The following FOXI1 variants were observed in gnomAD, a reference collection of about 807,000 sequenced individuals.
FOXI1 encodes forkhead box I1, also known as forkhead box protein I1.
FOXI1 carries 11 observed loss-of-function variants against 16.4 expected under a neutral mutation model. The observed-to-expected ratio is 0.67, with a 90% confidence interval of 0.42 to 1.11. The LOEUF is 1.11. Among genes scored for constraint, FOXI1 ranks in the 50% least tolerant of loss-of-function variants. FOXI1 has a pLI of 0.00. For missense variants in FOXI1, 480 were observed against 506.1 expected (o/e 0.95, Z 0.49); for synonymous variants, 218 against 211.5 (o/e 1.03, Z -0.27).
At position 170,105,927 on chromosome 5, in the gene FOXI1, G is replaced by A. The variant is rs34218925; in HGVS notation, c.-31G>A. The A allele has an allele frequency of 6.5e-7, 1 of 1,538,946 alleles. No individual in the cohort carries two copies. The highest frequency in any genetic ancestry group is 1.1e-5 in the South Asian group (1 of 88,220). On this transcript the variant is annotated 5_prime_UTR_variant, in exon 1 of 2. Transcript: ENST00000306268. ...GGGCAGCTCCGGGGTGCAGGTGCCAGGCAGGTGGCTCCGGCCAGCCCAGCC... is the reference window on the plus strand; with the variant it reads ...GGGCAGCTCCGGGGTGCAGGTGCCAAGCAGGTGGCTCCGGCCAGCCCAGCC...
At position 170,108,146 on chromosome 5, in the gene FOXI1, T is replaced by A. The variant is rs751740534; in HGVS notation, c.672T>A (p.Ser224=). 3.7e-6 allele frequency: 6 copies of A among 1,614,124 alleles called. No individual in the cohort carries two copies. Among genetic ancestry groups the A allele is most frequent in the Non-Finnish European group, 5.1e-6 (6 of 1,179,960 alleles). The part of the protein sequence containing the change: ...RKRKRKSDVS[S]STASLALEKT... ...GGAAGAGAAAATCAGATGTTTCCTC[T>A]AGCACAGCCTCCTTGGCCTTAGAGA... Residue 224 remains serine, a synonymous_variant, in exon 2 of 2, where the codon TCT becomes TCA. Coordinates refer to ENST00000306268, the MANE Select transcript of FOXI1 (RefSeq NM_012188.5).
At position 170,108,334 on chromosome 5, in the gene FOXI1, C is replaced by T; in HGVS notation, c.860C>T (p.Ala287Val). The T allele has an allele frequency of 6.2e-7, 1 of 1,614,190 alleles. No homozygotes were observed. The highest frequency in any genetic ancestry group is 8.5e-7 in the Non-Finnish European group (1 of 1,180,030). ...AACAGCTTCCTTTCCTCTATGACAG[C>T]CTATGTGAGCGGGGGGAGCCCCACG... ...CLNSFLSSMT[A>V]YVSGGSPTSH... Residue 287 changes from alanine to valine, a missense_variant, in exon 2 of 2, where the codon GCC (alanine) becomes GTC (valine). Physicochemically the swap from Ala to Val is moderately conservative, Grantham distance 64. Around this residue, in one of 3 missense-constraint regions of FOXI1, gnomAD observed 257 missense variants for 262.2 expected, o/e 0.98. Coordinates refer to ENST00000306268, the MANE Select transcript of FOXI1 (RefSeq NM_012188.5).
Position 170,106,020 on chromosome 5 carries a change from C to T in FOXI1, c.63C>T (p.Ile21=), listed in dbSNP as rs768858662. ...GCTGCAGCCCCCAGTTCCCCAGCAT[C>T]GGCCAGGAGCCCCCCGAGATGAACC... ...PPRCSPQFPS[I]GQEPPEMNLY... The change falls in exon 1 of 2, where the codon ATC becomes ATT. Residue 21 remains isoleucine (I), a synonymous_variant. Coordinates refer to ENST00000306268, the MANE Select transcript of FOXI1 (RefSeq NM_012188.5). The T allele has an allele frequency of 4.3e-6, 7 of 1,611,954 alleles. No homozygotes were observed. The South Asian group carries it at 4.4e-5, about 10-fold the overall frequency.
At chr5:170,106,643 A>T in intron 1 of FOXI1, 112 bp downstream of exon 1, 1 of 1,459,732 alleles carries the variant, frequency 6.9e-7, no homozygotes, top group Non-Finnish European at 9.4e-7. Context: ...AGACTGGGGG[A>T]TGCTACCAGG....
rs1758598477 is a variant in FOXI1, at chr5:170,109,386, CAG to C, written c.*776_*777del. On this transcript the variant is annotated 3_prime_UTR_variant, in exon 2 of 2. Coordinates refer to ENST00000306268, the MANE Select transcript of FOXI1 (RefSeq NM_012188.5). Reference sequence around the variant, plus strand: ...AGAAACCTTGAGCAGATCCAGGGATCAGTGAGAGGAGTGGTGTGTACCCCTAA... The same window carrying C: ...AGAAACCTTGAGCAGATCCAGGGATCTGAGAGGAGTGGTGTGTACCCCTAA... The C allele has an allele frequency of 6.6e-6, 1 of 152,366 alleles. No homozygotes were observed. Among genetic ancestry groups the C allele is most frequent in the Admixed American group, 6.5e-5 (1 of 15,290 alleles). 9.4% of individuals were successfully genotyped at this position (152,366 alleles called of 1,614,324 possible).
At position 170,108,605 on chromosome 5, in the gene FOXI1, G is replaced by T; in HGVS notation, c.1131G>T (p.Glu377Asp). The part of the protein sequence containing the change: ...SGVLYPREGT[E>D]V ...TCCTCTACCCCAGGGAGGGCACCGA[G>T]GTCTAGGTACAGAACAGCTCCTGAG... Residue 377 changes from glutamate to aspartate, a missense_variant, in exon 2 of 2, where the codon GAG becomes GAT. Coordinates refer to ENST00000306268, the MANE Select transcript of FOXI1 (RefSeq NM_012188.5). 6.2e-7 allele frequency: 1 copy of T among 1,612,346 alleles called. No individual in the cohort carries two copies. The highest frequency in any genetic ancestry group is 1.1e-5 in the South Asian group (1 of 91,072).
chr5:170,107,978 G>A lies in FOXI1; in HGVS notation c.575-71G>A, dbSNP rs943759068. On this transcript the variant is annotated intron_variant, in intron 1 of 1. Coordinates refer to ENST00000306268, the MANE Select transcript of FOXI1 (RefSeq NM_012188.5). ...TCTGTCACCTTGGCTTTTAGTTTAT[G>A]ACAATAAGGAGGAACAGAAGCAAAG... 24 of 1,247,814 alleles carry A rather than the reference G, an allele frequency of 1.9e-5. No individual in the cohort carries two copies. The East Asian group carries it at 5.1e-4, about 27-fold the overall frequency. The allele number at this position is 1,247,814 out of a possible 1,614,324, so 77.3% of individuals were successfully genotyped here. A position where few individuals can be genotyped will look rare whatever the true frequency, so the allele number is the denominator to read the frequency against.
Position 170,108,602 on chromosome 5 carries a change from C to T in FOXI1, c.1128C>T (p.Thr376=), listed in dbSNP as rs189278911. The change falls in exon 2 of 2, where the codon ACC becomes ACT. Residue 376 remains threonine, a synonymous_variant. Transcript: ENST00000306268. ...GTGTCCTCTACCCCAGGGAGGGCAC[C>T]GAGGTCTAGGTACAGAACAGCTCCT... ...TSGVLYPREG[T]EV 1.1e-5 allele frequency: 18 copies of T among 1,612,640 alleles called. No individual in the cohort carries two copies. The Admixed American group carries it at 1.2e-4, about 10-fold the overall frequency.
rs1561922413 is a variant in FOXI1, at chr5:170,108,815, A to G, written c.*204A>G. The G allele has an allele frequency of 9.9e-6, 6 of 607,238 alleles. No homozygotes were observed. The highest frequency in any genetic ancestry group is 1.8e-5 in the Non-Finnish European group (6 of 341,256). 37.6% of individuals were successfully genotyped at this position (607,238 alleles called of 1,614,324 possible). A position where few individuals can be genotyped will look rare whatever the true frequency, so the allele number is the denominator to read the frequency against. ...CACACACAGACTCACCAACTTTGCA[A>G]TAGAAATACTGGTGCCTGCAGAGCA... On this transcript the variant is annotated 3_prime_UTR_variant, in exon 2 of 2. Transcript: ENST00000306268.
rs1050755698 is a variant in FOXI1 at position 170,109,656 on chromosome 5, T to A, written c.*1045T>A. On this transcript the variant is annotated 3_prime_UTR_variant, in exon 2 of 2. Coordinates refer to ENST00000306268, the MANE Select transcript of FOXI1 (RefSeq NM_012188.5). ...TGTGTGATCTCTTGGGATTTCTCCT[T>A]GTTTTTGTGAGTACCTGGGAAGTGT... 2.0e-5 allele frequency: 3 copies of A among 152,212 alleles called. No individual in the cohort carries two copies. The East Asian group carries it at 5.8e-4, about 29-fold the overall frequency. 9.4% of individuals were successfully genotyped at this position (152,212 alleles called of 1,614,324 possible). A position where few individuals can be genotyped will look rare whatever the true frequency, so the allele number is the denominator to read the frequency against.
rs748140745 is a variant in FOXI1 at position 170,108,346 on chromosome 5, G to A, written c.872G>A (p.Gly291Glu). Residue 291 changes from glycine (G) to glutamate (E), a missense_variant, in exon 2 of 2, where the codon GGG becomes GAG. By Grantham distance (98) the Gly-to-Glu change is moderately conservative. This residue lies in a region of FOXI1 where 257 missense variants were observed against 262.2 expected (regional missense o/e 0.98). Coordinates refer to ENST00000306268, the MANE Select transcript of FOXI1 (RefSeq NM_012188.5). ...FLSSMTAYVS[G>E]GSPTSHPLVT... ...TCCTCTATGACAGCCTATGTGAGCG[G>A]GGGGAGCCCCACGAGCCACCCCTTG... 2 of 1,614,166 alleles carry A rather than the reference G, an allele frequency of 1.2e-6. No individual in the cohort carries two copies. The highest frequency in any genetic ancestry group is 2.2e-5 in the East Asian group (1 of 44,862).
At position 170,106,226 on chromosome 5, in the gene FOXI1, G is replaced by A. The variant is rs749433068; in HGVS notation, c.269G>A (p.Gly90Glu). 3.8e-6 allele frequency: 6 copies of A among 1,580,038 alleles called. No homozygotes were observed. The highest frequency in any genetic ancestry group is 3.4e-5 in the South Asian group (3 of 87,072). The change falls in exon 1 of 2, where the codon GGA (glycine) becomes GAA (glutamate). Residue 90 changes from glycine (G) to glutamate (E), a missense_variant. By Grantham distance (98) the Gly-to-Glu change is moderately conservative (BLOSUM62 -2). Coordinates refer to ENST00000306268, the MANE Select transcript of FOXI1 (RefSeq NM_012188.5). ...NASPFLPQAY[G>E]VQRPLLPSVS... ...AGCCCCTTCCTGCCCCAGGCCTATG[G>A]AGTGCAGAGGCCGCTGCTGCCCAGC...
rs938026224 is a variant in FOXI1 at position 170,108,371 on chromosome 5, G to T, written c.897G>T (p.Leu299Phe). ...VSGGSPTSHPLVTPGLSPEPS... is the reference protein window; with the variant it reads ...VSGGSPTSHPFVTPGLSPEPS... ...GGGGGAGCCCCACGAGCCACCCCTT[G>T]GTCACACCAGGACTGAGCCCTGAGC... Residue 299 changes from leucine to phenylalanine, a missense_variant, in exon 2 of 2, where the codon TTG becomes TTT. Leu to Phe is a conservative substitution (Grantham distance 22). Transcript: ENST00000306268. 9 of 1,614,094 alleles carry T rather than the reference G, an allele frequency of 5.6e-6. No individual in the cohort carries two copies. The highest frequency in any genetic ancestry group is 1.1e-5 in the South Asian group (1 of 91,078).
At chr5:170,106,779 C>T (rs1217672412) in intron 1 of FOXI1, 1 of 264,010 alleles carries the variant, frequency 3.8e-6, no homozygotes, top group African/African-American at 2.3e-5. Context: ...GCCTCAGTTC[C>T]CTCATCGGAA....
Position 170,106,413 on chromosome 5 carries a change from C to G in FOXI1, c.456C>G (p.Tyr152Ter), listed in dbSNP as rs769427090. ...KRLTLSQIYQ[Y>*]VADNFPFYNK... is the part of the protein sequence containing the mutation. ...TCACTCTCAGCCAGATCTACCAGTACGTGGCCGACAACTTCCCCTTCTACA... is the reference window on the plus strand; with the variant it reads ...TCACTCTCAGCCAGATCTACCAGTAGGTGGCCGACAACTTCCCCTTCTACA... The change falls in exon 1 of 2, where the codon TAC becomes TAG. Residue 152 changes from tyrosine to a stop codon, truncating the protein, a stop_gained. Transcript: ENST00000306268. LOFTEE classifies it high-confidence loss of function. The G allele has an allele frequency of 2.5e-6, 4 of 1,614,118 alleles. No homozygotes were observed. The highest frequency in any genetic ancestry group is 1.7e-5 in the Admixed American group (1 of 60,012).
intron 1 of FOXI1, 99 bp downstream of exon 1, chr5:170,106,630 C>T (rs561185667): frequency 3.0e-5 from 45 of 1,522,062 alleles, no homozygotes; most frequent in Non-Finnish European, 3.7e-5. Flanking sequence ...GCTGTGCCCC[C>T]CAAGACTGGG....
In FOXI1 at chr5:170,106,567, G is replaced by A. The variant is rs750693541; in HGVS notation, c.574+36G>A. On this transcript the variant is annotated intron_variant, in intron 1 of 1. Transcript: ENST00000306268. ...TTTGAGTGTGGGGGGTGTCCCCAAG[G>A]AAGACTCACTTCCTTCCTCCCCAAG... 7 of 1,612,908 alleles carry A rather than the reference G, an allele frequency of 4.3e-6. 1 individual carries two copies. The South Asian group carries it at 7.7e-5, about 18-fold the overall frequency.
rs148265639 is a variant in FOXI1, at chr5:170,108,345, G to C, written c.871G>C (p.Gly291Arg). The C allele has an allele frequency of 1.1e-4, 182 of 1,613,972 alleles. No individual in the cohort carries two copies. The highest frequency in any genetic ancestry group is 1.5e-4 in the Non-Finnish European group (175 of 1,180,008). Residue 291 changes from glycine to arginine, a missense_variant, in exon 2 of 2, where the codon GGG becomes CGG. Gly to Arg is a moderately radical substitution (Grantham distance 125). This residue lies in a region of FOXI1 where 257 missense variants were observed against 262.2 expected (regional missense o/e 0.98). Transcript: ENST00000306268. ...FLSSMTAYVS[G>R]GSPTSHPLVT... ...TTCCTCTATGACAGCCTATGTGAGCGGGGGGAGCCCCACGAGCCACCCCTT... is the reference window on the plus strand; with the variant it reads ...TTCCTCTATGACAGCCTATGTGAGCCGGGGGAGCCCCACGAGCCACCCCTT...
At position 170,106,257 on chromosome 5, in the gene FOXI1, G is replaced by C; in HGVS notation, c.300G>C (p.Ser100=). The change falls in exon 1 of 2, where the codon TCG becomes TCC. Residue 100 remains serine (S), a synonymous_variant. Transcript: ENST00000306268. ...GVQRPLLPSV[S]GLGGSDLGWL... is the part of the protein sequence containing the mutation. Reference sequence around the variant, plus strand: ...AGAGGCCGCTGCTGCCCAGCGTGTCGGGGCTTGGGGGGAGCGACCTGGGCT... The same window carrying C: ...AGAGGCCGCTGCTGCCCAGCGTGTCCGGGCTTGGGGGGAGCGACCTGGGCT... The C allele has an allele frequency of 1.3e-6, 2 of 1,579,748 alleles. No homozygotes were observed. The highest frequency in any genetic ancestry group is 1.7e-6 in the Non-Finnish European group (2 of 1,162,770).
Sources: allele counts gnomAD v4.1 joint callset, GRCh38; gene constraint gnomAD v4.1.1; regional missense constraint gnomAD v4.1.1; transcripts MANE v1.5; gene names NCBI Gene and HGNC (gene_info 2026-07-23, HGNC 2026-07-21).